RABEP1: variants seen among roughly 807,000 people sequenced by gnomAD.
The protein encoded by RABEP1 is rabaptin, RAB GTPase binding effector protein 1, also known as rab GTPase-binding effector protein 1.
Under a neutral mutation model 123.4 loss-of-function variants are expected in RABEP1, and 51 were observed. The ratio of observed to expected loss-of-function variants is 0.41; its 90% CI spans 0.33 to 0.52. The LOEUF (loss-of-function observed/expected upper bound fraction) is 0.52. RABEP1 is among the 20% of genes least tolerant of loss of function. The probability of loss-of-function intolerance (pLI) is 0.16; values close to 1 mark genes in which losing one functional copy is unlikely to be tolerated. For missense variants in RABEP1, 888 were observed against 996.3 expected, an observed-to-expected ratio of 0.89 and a Z score of 1.46; for synonymous variants, 347 against 355.2, an observed-to-expected ratio of 0.98 and a Z score of 0.26.
At chr17:5,288,824 C>A (rs1310639525) in intron 1 of RABEP1, among the ~76,000 whole-genome samples, 1 of 152,130 alleles carries the variant, frequency 6.6e-6, no homozygotes, top group African/African-American at 2.4e-5. Flanking sequence ...GTGCCTCAGC[C>A]CCTCAAGTAG....
intron 16 of RABEP1, chr17:5,380,684 C>A: frequency 1.8e-6 from 1 of 544,750 alleles, no homozygotes; most frequent in South Asian, 1.8e-5. Context: ...AGGCTAGCTT[C>A]AGATAGTAGG....
rs553344082 is a variant in RABEP1 at position 5,336,840 on chromosome 17, A to G, written c.529-1179A>G. On this transcript the variant is annotated intron_variant, in intron 4 of 17. Coordinates refer to ENST00000537505, the MANE Select transcript of RABEP1 (RefSeq NM_004703.6). ...ATAAAATAAATGATGGCTTTGTGTAAGGACCTGAAAACAAAGTGAATCTGA... is the reference window on the plus strand; with the variant it reads ...ATAAAATAAATGATGGCTTTGTGTAGGGACCTGAAAACAAAGTGAATCTGA... 1.2e-4 allele frequency among the ~76,000 whole-genome samples: 18 copies of G among 152,304 alleles called. No homozygotes were observed. The South Asian group carries it at 3.7e-3, about 32-fold the overall frequency.
intron 4 of RABEP1, chr17:5,336,346 T>G: frequency 2.7e-6 from 1 of 371,696 alleles, no homozygotes; most frequent in Non-Finnish European, 5.1e-6. Context: ...GCCTAGTTTC[T>G]CCTGTTGTTA....
chr17:5,311,648 A>G (rs2075241718), intron 2 of RABEP1, among the ~76,000 whole-genome samples: 1 of 126,620 alleles, frequency 7.9e-6, no homozygotes, highest in Non-Finnish European at 1.6e-5. Context: ...GCAAGCTGAG[A>G]TTGTGCCACT....
intron 5 of RABEP1, among the ~76,000 whole-genome samples, chr17:5,339,614 A>G (rs1907400423): frequency 6.6e-6 from 1 of 152,102 alleles, no homozygotes; most frequent in South Asian, 2.1e-4. Flanking sequence ...CCTGGCCAAC[A>G]TGGTGAAACC....
chr17:5,386,013 G>GTTT lies in RABEP1; in HGVS notation c.*2792_*2793insTTT, dbSNP rs1390626217. On this transcript the variant is annotated 3_prime_UTR_variant, in exon 18 of 18. Transcript: ENST00000537505. The stretch of plus-strand genomic sequence containing the variant: ...TTGCTGAACACAACTGTAGGCTTGA[G>GTTT]TTATAAAGCACATTCCAAATTTTAA... The GTTT allele has an allele frequency of 1.9e-6, 1 of 538,580 alleles. No individual in the cohort carries two copies. Among genetic ancestry groups the GTTT allele is most frequent in the Non-Finnish European group, 3.2e-6 (1 of 308,666 alleles). The allele number at this position is 538,580 out of a possible 1,614,324, so 33.4% of individuals were successfully genotyped here.
At chr17:5,341,070 A>G (rs377609406) in intron 5 of RABEP1, among the ~76,000 whole-genome samples, 1 of 152,158 alleles carries the variant, frequency 6.6e-6, no homozygotes, top group Non-Finnish European at 1.5e-5. Context: ...TGGAAAAACT[A>G]TAGACAAATC....
intron 15 of RABEP1, among the ~76,000 whole-genome samples, chr17:5,379,109 A>G (rs1218006499): frequency 6.6e-6 from 1 of 151,952 alleles, no homozygotes; most frequent in Non-Finnish European, 1.5e-5. Context: ...CGTCTCTTCC[A>G]TTCCTCACAG....
At position 5,302,244 on chromosome 17, in the gene RABEP1, AT is replaced by A. The variant is rs57770310; in HGVS notation, c.35-6436del. Among the ~76,000 whole-genome samples the A allele has an allele frequency of 2.4e-3, 283 of 118,376 alleles. 8 individuals carry two copies. Among genetic ancestry groups the A allele is most frequent in the African/African-American group, 9.3e-3 (255 of 27,386 alleles). 77.7% of individuals were successfully genotyped at this position (118,376 alleles called of 152,430 possible). A position where few individuals can be genotyped will look rare whatever the true frequency, so the allele number is the denominator to read the frequency against. On this transcript the variant is annotated intron_variant, in intron 1 of 17. Transcript: ENST00000537505. ...GATTTAGGGGAATGTTACTGAAAAC[AT>A]TTTTTTTTTTTTTGAGATGGAGTCT...
intron 17 of RABEP1, 140 bp from the exon 18 acceptor site, chr17:5,382,982 A>T (rs80135274): frequency 0.053 from 34,935 of 663,632 alleles, 1,122 homozygotes; most frequent in Middle Eastern, 0.076. Flanking sequence ...TATTTTTAAA[A>T]TTTTTAATTG....
rs570724103 is a variant in RABEP1, at chr17:5,351,280, A to G, written c.963+651A>G. ...TAGTTATTGAAATTGCATGAATAAT[A>G]TATATATTTATATACATTATCATAA... is the stretch of plus-strand genomic sequence containing the variant. On this transcript the variant is annotated intron_variant, in intron 7 of 17. Coordinates refer to ENST00000537505, the MANE Select transcript of RABEP1 (RefSeq NM_004703.6). Among the ~76,000 whole-genome samples the G allele has an allele frequency of 9.2e-5, 14 of 152,116 alleles. No individual in the cohort carries two copies. In the South Asian group the frequency reaches 2.7e-3, roughly 29 times the overall value.
chr17:5,341,783 C>G (rs1406298292), intron 5 of RABEP1, among the ~76,000 whole-genome samples: 3 of 152,238 alleles, frequency 2.0e-5, no homozygotes, highest in African/African-American at 2.4e-5. Context: ...ATCGGAAAAT[C>G]TATCATTGCA....
Position 5,335,232 on chromosome 17 carries a change from A to G in RABEP1, c.416A>G (p.Glu139Gly). 6.2e-7 allele frequency: 1 copy of G among 1,614,080 alleles called. No individual in the cohort carries two copies. ...EHQFHLRLEQ[E>G]RTQWAQYRES... Reference sequence around the variant, plus strand: ...CAGTTCCACCTTAGGCTGGAGCAGGAGCGAACACAGTGGGCACAGTATAGA... The same window carrying G: ...CAGTTCCACCTTAGGCTGGAGCAGGGGCGAACACAGTGGGCACAGTATAGA... Residue 139 changes from glutamate to glycine, a missense_variant, in exon 4 of 18, where the codon GAG (glutamate) becomes GGG (glycine). By Grantham distance (98) the Glu-to-Gly change is moderately conservative. Coordinates refer to ENST00000537505, the MANE Select transcript of RABEP1 (RefSeq NM_004703.6).
intron 2 of RABEP1, among the ~76,000 whole-genome samples, chr17:5,321,166 G>A (rs1567520147): frequency 6.6e-6 from 1 of 152,154 alleles, no homozygotes; most frequent in African/African-American, 2.4e-5. Context: ...AACTGGCTGA[G>A]TGCAGTGGCT....
At position 5,332,004 on chromosome 17, in the gene RABEP1, C is replaced by T. The variant is rs78899149; in HGVS notation, c.219C>T (p.His73=). Residue 73 remains histidine (H), a synonymous_variant, in exon 3 of 18, where the codon CAC becomes CAT. Transcript: ENST00000537505. ...VLQAAQDDLG[H]LRTQLWEAQA... is the part of the protein sequence containing the mutation. ...AAGCTGCACAAGATGATTTGGGACA[C>T]CTTCGAACCCAGCTGTGGGAAGCTC... is the stretch of plus-strand genomic sequence containing the variant. 513 of 1,613,980 alleles carry T rather than the reference C, an allele frequency of 3.2e-4. 1 individual carries two copies. In the African/African-American group the frequency reaches 6.0e-3, roughly 19 times the overall value.
At chr17:5,309,246 T>A (rs1251473559) in intron 2 of RABEP1, among the ~76,000 whole-genome samples, 1 of 152,190 alleles carries the variant, frequency 6.6e-6, no homozygotes, top group East Asian at 1.9e-4. Context: ...GAGGCAGACA[T>A]TATACTTGTG....
At chr17:5,302,061 G>A (rs1004237727) in intron 1 of RABEP1, among the ~76,000 whole-genome samples, 2 of 151,972 alleles carry the variant, frequency 1.3e-5, no homozygotes, top group African/African-American at 4.8e-5. Flanking sequence ...GTGGAACTTT[G>A]ACTAAGTTTA....
At chr17:5,323,750 ATATC>A (rs1236745271) in intron 2 of RABEP1, among the ~76,000 whole-genome samples, 1 of 128,464 alleles carries the variant, frequency 7.8e-6, no homozygotes, top group Admixed American at 8.9e-5. Context: ...GAATATATAT[ATATC>A]TAGGAATATA....
At chr17:5,292,929 G>A (rs2075046651) in intron 1 of RABEP1, among the ~76,000 whole-genome samples, 1 of 152,144 alleles carries the variant, frequency 6.6e-6, no homozygotes, top group Non-Finnish European at 1.5e-5. Flanking sequence ...CCATCTGCCT[G>A]CCTTGGCATC....
Sources: gnomAD v4.1 joint callset for allele counts (sites outside exome capture counted in the v4.1 genomes callset) on GRCh38, gnomAD v4.1.1 for gene constraint, MANE v1.5 for transcripts, NCBI Gene and HGNC (gene_info 2026-07-23, HGNC 2026-07-21) for gene names.